Variants in CCDC125 observed in about 807,000 individuals in gnomAD.
CCDC125 encodes the protein coiled-coil domain containing 125.
In CCDC125, 43 loss-of-function variants were observed where a neutral mutation model predicts 57.4. That is an observed-to-expected ratio of 0.75 (90% CI 0.59 to 0.97). The LOEUF is 0.97. CCDC125 is among the 50% of genes least tolerant of loss of function. CCDC125 has a pLI of 0.00. For synonymous variants in CCDC125, 187 were observed against 195.2 expected, an observed-to-expected ratio of 0.96 and a Z score of 0.35; for missense variants, 563 against 595.7, an observed-to-expected ratio of 0.95 and a Z score of 0.57.
intron 6 of CCDC125, 48 bp downstream of exon 6, chr5:69,306,769 A>G (rs754514202): frequency 7.4e-7 from 1 of 1,347,490 alleles, no homozygotes; most frequent in Non-Finnish European, 9.6e-7. Context: ...TTTGAATTAC[A>G]TAGATTTTAA....
At chr5:69,304,919 C>T (rs1327379666) in intron 6 of CCDC125, among the ~76,000 whole-genome samples, 3 of 151,788 alleles carry the variant, frequency 2.0e-5, no homozygotes, top group African/African-American at 4.8e-5. Context: ...GATGTATCAA[C>T]ATTGGTTATA....
intron 11 of CCDC125, 96 bp downstream of exon 11, chr5:69,285,241 C>T (rs1426450593): frequency 8.5e-7 from 1 of 1,182,186 alleles, no homozygotes; most frequent in African/African-American, 1.6e-5. Flanking sequence ...TGTTGGGCCA[C>T]ATTCAAAGCT....
chr5:69,292,655 G>A (rs1754643267), intron 9 of CCDC125, among the ~76,000 whole-genome samples: 1 of 152,004 alleles, frequency 6.6e-6, no homozygotes, highest in Non-Finnish European at 1.5e-5. Flanking sequence ...CAAGTCCTGG[G>A]ACAAAGGGCC....
At position 69,298,383 on chromosome 5, in the gene CCDC125, G is replaced by A. The variant is rs966328145; in HGVS notation, c.816+1629C>T. 4.5e-4 allele frequency among the ~76,000 whole-genome samples: 69 copies of A among 152,330 alleles called. 2 individuals carry two copies. The South Asian group carries it at 6.4e-3, about 14-fold the overall frequency. On this transcript the variant is annotated intron_variant, in intron 8 of 11. Coordinates refer to ENST00000396496, the MANE Select transcript of CCDC125 (RefSeq NM_176816.5). ...TCCTTTTTAAGAGGCTTTTCAGAGA[G>A]GAAAATTCCACTGCCTCCCTTAGTG...
chr5:69,274,678 C>T, the CCDC125 span, among the ~76,000 whole-genome samples: 2 of 151,278 alleles, frequency 1.3e-5, no homozygotes, highest in African/African-American at 2.4e-5. Context: ...TGCAGTGGCA[C>T]GATCTTGACT....
Position 69,306,821 on chromosome 5 carries a change from C to CA in CCDC125, c.612dup (p.Asp205Ter). ...ATAATGGAGTAATATACAAACCTGT[C>CA]ATATTTTTGGATCCAAGATTCCTCT... On this transcript the variant is annotated frameshift_variant, in exon 6 of 12. Coordinates refer to ENST00000396496, the MANE Select transcript of CCDC125 (RefSeq NM_176816.5). LOFTEE classifies it high-confidence loss of function. 1.3e-6 allele frequency: 2 copies of CA among 1,489,064 alleles called. No individual in the cohort carries two copies. The highest frequency in any genetic ancestry group is 2.9e-5 in the South Asian group (2 of 68,070). 92.2% of individuals were successfully genotyped at this position (1,489,064 alleles called of 1,614,324 possible). A position where few individuals can be genotyped will look rare whatever the true frequency, so the allele number is the denominator to read the frequency against.
chr5:69,317,449 G>T (rs115240882), intron 2 of CCDC125, among the ~76,000 whole-genome samples: 1,558 of 152,320 alleles, frequency 0.01, 24 homozygotes, highest in African/African-American at 0.036. Context: ...CAAGAGGGAT[G>T]TTGAAGGATG....
intron 10 of CCDC125, among the ~76,000 whole-genome samples, chr5:69,285,865 A>G (rs920832477): frequency 3.9e-5 from 6 of 152,162 alleles, no homozygotes; most frequent in Non-Finnish European, 7.3e-5. Context: ...GGGGCCTCTG[A>G]GCCATGCAAA....
At chr5:69,307,462 T>G (rs978649816) in intron 5 of CCDC125, among the ~76,000 whole-genome samples, 1 of 151,918 alleles carries the variant, frequency 6.6e-6, no homozygotes, top group Non-Finnish European at 1.5e-5. Flanking sequence ...GTGGGTGGAT[T>G]ACAAGGTCAG....
At position 69,292,218 on chromosome 5, in the gene CCDC125, A is replaced by G. The variant is rs1754568348; in HGVS notation, c.1069T>C (p.Trp357Arg). 6.2e-7 allele frequency: 1 copy of G among 1,613,384 alleles called. No individual in the cohort carries two copies. Among genetic ancestry groups the G allele is most frequent in the Non-Finnish European group, 8.5e-7 (1 of 1,179,866 alleles). The change falls in exon 10 of 12, where the codon TGG becomes CGG. Residue 357 changes from tryptophan (W) to arginine (R), a missense_variant. Trp to Arg is a moderately radical substitution (Grantham distance 101). Coordinates refer to ENST00000396496, the MANE Select transcript of CCDC125 (RefSeq NM_176816.5). ...MDKMHKKATK[W>R]MNWKHLKEDG... ...TCTTTAAGGTGCTTCCAATTCATCC[A>G]TTTTGTTGCTTTTTTATGCATTTTA... is the stretch of plus-strand genomic sequence containing the variant.
At chr5:69,288,729 T>A (rs1446923705) in intron 10 of CCDC125, among the ~76,000 whole-genome samples, 1 of 152,222 alleles carries the variant, frequency 6.6e-6, no homozygotes. Flanking sequence ...GAGACAACTC[T>A]GTGCTTTTGA....
At chr5:69,310,540 G>C (rs1210836080) in intron 4 of CCDC125, 1 of 159,448 alleles carries the variant, frequency 6.3e-6, no homozygotes, top group Non-Finnish European at 1.4e-5. Context: ...CCCAGTCTTG[G>C]GTATGTCTTT....
intron 4 of CCDC125, 89 bp downstream of exon 4, chr5:69,311,029 G>T: frequency 1.3e-6 from 1 of 762,790 alleles, no homozygotes. Context: ...ACTATATTAA[G>T]TCCTTCTGCC....
intron 9 of CCDC125, 40 bp from the exon 10 acceptor site, chr5:69,292,402 A>C (rs1157520588): frequency 6.6e-7 from 1 of 1,505,572 alleles, no homozygotes; most frequent in Non-Finnish European, 9.2e-7. Context: ...CAGAGGCAAA[A>C]CCAGAACAAT....
intron 1 of CCDC125, among the ~76,000 whole-genome samples, chr5:69,324,681 T>C (rs947065016): frequency 5.9e-5 from 9 of 152,146 alleles, no homozygotes; most frequent in African/African-American, 1.9e-4. Flanking sequence ...GCATTTCCGA[T>C]ATATGCAATG....
At chr5:69,292,998 G>A (rs1489015426) in intron 9 of CCDC125, among the ~76,000 whole-genome samples, 6 of 151,490 alleles carry the variant, frequency 4.0e-5, no homozygotes, top group East Asian at 2.0e-4. Flanking sequence ...ATGTTGCCAC[G>A]CCTGGCTAAT....
intron 6 of CCDC125, among the ~76,000 whole-genome samples, chr5:69,304,648 C>T (rs1757052413): frequency 6.6e-6 from 1 of 151,998 alleles, no homozygotes; most frequent in Non-Finnish European, 1.5e-5. Flanking sequence ...TGATCTCAAA[C>T]TCCTGACTTC....
At chr5:69,331,464 T>G (rs571406595) in intron 1 of CCDC125, among the ~76,000 whole-genome samples, 141 of 151,998 alleles carry the variant, frequency 9.3e-4, no homozygotes, top group African/African-American at 3.3e-3. Flanking sequence ...CCTCCAGACC[T>G]CAGGAGATCT....
At chr5:69,283,174 G>A in intron 11 of CCDC125, 140 bp from the exon 12 acceptor site, 1 of 603,636 alleles carries the variant, frequency 1.7e-6, no homozygotes, top group Non-Finnish European at 2.8e-6. Context: ...GAATAAATTA[G>A]GTATCACCTG....
Sources: allele counts gnomAD v4.1 joint callset (sites outside exome capture counted in the v4.1 genomes callset), GRCh38; gene constraint gnomAD v4.1.1; transcripts MANE v1.5; gene names NCBI Gene and HGNC (gene_info 2026-07-23, HGNC 2026-07-21).